Variants in TTC39A observed in about 807,000 individuals in gnomAD.
TTC39A encodes tetratricopeptide repeat domain 39A.
Under a neutral mutation model 82.3 loss-of-function variants are expected in TTC39A, and 46 were observed. That is an observed-to-expected ratio of 0.56 (90% CI 0.44 to 0.71). The LOEUF is 0.71. Among genes scored for constraint, TTC39A ranks in the 30% least tolerant of loss-of-function variants. The pLI is 0.00. For synonymous variants in TTC39A, 254 were observed against 275.2 expected (o/e 0.92, Z 0.76); for missense variants, 543 against 712.9 (o/e 0.76, Z 2.71).
chr1:51,295,932 A>AG lies in TTC39A; in HGVS notation c.1145+146dup, dbSNP rs1051052873. The AG allele has an allele frequency of 2.8e-3, 2,090 of 755,402 alleles. 13 individuals are homozygous for AG. The highest frequency in any genetic ancestry group is 2.4e-3 in the Non-Finnish European group (1,065 of 452,252). 46.8% of individuals were successfully genotyped at this position (755,402 alleles called of 1,614,324 possible). A position where few individuals can be genotyped will look rare whatever the true frequency, so the allele number is the denominator to read the frequency against. On this transcript the variant is annotated intron_variant, in intron 13 of 17. Coordinates refer to ENST00000680483, the MANE Select transcript of TTC39A (RefSeq NM_001297663.2). ...GTGGTGATGGGAGGGGAGGACACGC[A>AG]GGGGGGGCAGTCCGCGGGTGGGGGC...
At chr1:51,310,997 A>G (rs1020687457) in intron 5 of TTC39A, among the ~76,000 whole-genome samples, 1 of 152,236 alleles carries the variant, frequency 6.6e-6, no homozygotes, top group African/African-American at 2.4e-5. Context: ...CAGGAAATGC[A>G]GCAGTCGCAC....
At chr1:51,341,179 C>T (rs1253503571) in intron 1 of TTC39A, among the ~76,000 whole-genome samples, 2 of 136,208 alleles carry the variant, frequency 1.5e-5, no homozygotes, top group Non-Finnish European at 3.2e-5. Flanking sequence ...AATAAACCGC[C>T]CCCCCACCCC....
At chr1:51,342,773 T>C (rs762345395) in intron 1 of TTC39A, among the ~76,000 whole-genome samples, 2 of 152,172 alleles carry the variant, frequency 1.3e-5, no homozygotes, top group African/African-American at 2.4e-5. Flanking sequence ...AGGCTCACAA[T>C]GCACTTCCTC....
chr1:51,313,342 T>C (rs1490751693), intron 2 of TTC39A, among the ~76,000 whole-genome samples: 1 of 152,174 alleles, frequency 6.6e-6, no homozygotes, highest in Non-Finnish European at 1.5e-5. Flanking sequence ...CCAAGTCCTG[T>C]CTGTGAGATC....
chr1:51,337,747 C>T (rs1356162473), intron 1 of TTC39A, among the ~76,000 whole-genome samples: 1 of 152,014 alleles, frequency 6.6e-6, no homozygotes, highest in African/African-American at 2.4e-5. Flanking sequence ...TAAAATTGAA[C>T]CCCTGCCTCC....
Position 51,321,956 on chromosome 1 carries a change from G to C in TTC39A, c.42-131C>G. The C allele has an allele frequency of 7.6e-7, 1 of 1,322,806 alleles. No individual in the cohort carries two copies. The highest frequency in any genetic ancestry group is 1.5e-5 in the African/African-American group (1 of 68,504). 81.9% of individuals were successfully genotyped at this position (1,322,806 alleles called of 1,614,324 possible). On this transcript the variant is annotated intron_variant, in intron 1 of 17. Transcript: ENST00000680483. This position sits in a 1 kb window ranked among gnomAD's most constrained non-coding sequence, Gnocchi z 4.6. ...TGGGTGCCTGTCACGAGCTCCTCCA[G>C]GCTGCCACTCTGTACTGGGACGCAG...
At chr1:51,327,304 C>CT (rs1645748601) in intron 1 of TTC39A, among the ~76,000 whole-genome samples, 1 of 152,214 alleles carries the variant, frequency 6.6e-6, no homozygotes, top group Non-Finnish European at 1.5e-5. Context: ...CTGAGGGGAA[C>CT]TTTGGCTCAA....
chr1:51,336,076 A>G (rs1323878443), upstream of TTC39A, among the ~76,000 whole-genome samples: 3 of 151,450 alleles, frequency 2.0e-5, no homozygotes, highest in East Asian at 5.8e-4. Flanking sequence ...CCCTCTTCAG[A>G]GTCTAGAACC....
chr1:51,315,059 T>G (rs1194691115), intron 2 of TTC39A, among the ~76,000 whole-genome samples: 3 of 151,986 alleles, frequency 2.0e-5, no homozygotes, highest in African/African-American at 7.3e-5. Context: ...TCTCAAGTCC[T>G]TGTCTCTCTC....
At position 51,294,629 on chromosome 1, in the gene TTC39A, A is replaced by C; in HGVS notation, c.1146-118T>G. ...TGGGCCTCAGTTTCCCCATCTGCAC[A>C]ATGACAGTGTTAGACTCTAAAGAGC... On this transcript the variant is annotated intron_variant, in intron 13 of 17. Transcript: ENST00000680483. This position sits in a 1 kb window ranked among gnomAD's most constrained non-coding sequence, Gnocchi z 4.3. 2.1e-6 allele frequency: 3 copies of C among 1,453,346 alleles called. No individual in the cohort carries two copies. The highest frequency in any genetic ancestry group is 2.8e-6 in the Non-Finnish European group (3 of 1,071,808). The allele number at this position is 1,453,346 out of a possible 1,614,324, so 90.0% of individuals were successfully genotyped here. A position where few individuals can be genotyped will look rare whatever the true frequency, so the allele number is the denominator to read the frequency against.
intron 6 of TTC39A, among the ~76,000 whole-genome samples, chr1:51,308,799 G>A (rs1644970898): frequency 6.6e-6 from 1 of 152,212 alleles, no homozygotes; most frequent in Non-Finnish European, 1.5e-5. Context: ...GTATGTGTGT[G>A]TGTGTGCGTG....
intron 1 of TTC39A, among the ~76,000 whole-genome samples, chr1:51,337,575 C>T (rs368041710): frequency 1.3e-5 from 2 of 151,846 alleles, no homozygotes; most frequent in African/African-American, 4.8e-5. Context: ...TACAGGTGCC[C>T]GCCACCATGC....
intron 1 of TTC39A, chr1:51,344,978 C>T: frequency 2.0e-6 from 3 of 1,525,934 alleles, no homozygotes; most frequent in South Asian, 1.2e-5. Context: ...GAGTCCCCAC[C>T]CCTGCCCGGT....
chr1:51,323,383 G>A (rs1475901584), intron 1 of TTC39A, among the ~76,000 whole-genome samples: 1 of 152,074 alleles, frequency 6.6e-6, no homozygotes, highest in Non-Finnish European at 1.5e-5. Context: ...CAAAGTGCTG[G>A]GATTATAGGT....
intron 2 of TTC39A, among the ~76,000 whole-genome samples, chr1:51,313,428 C>T (rs1220603699): frequency 6.6e-6 from 1 of 152,144 alleles, no homozygotes; most frequent in East Asian, 1.9e-4. Flanking sequence ...CACCTGCTGC[C>T]TCTTCCCACT....
rs41287296 is a variant in TTC39A, at chr1:51,306,217, G to A, written c.489-141C>T. 8.2e-3 allele frequency: 5,323 copies of A among 652,606 alleles called. 33 individuals carry two copies. The highest frequency in any genetic ancestry group is 0.016 in the Middle Eastern group (39 of 2,436). The allele number at this position is 652,606 out of a possible 1,614,324, so 40.4% of individuals were successfully genotyped here. ...GGTAATCCTGAGAGCTGGTATTTGA[G>A]GAATTTCGAACCCCATCTCCCACCA... On this transcript the variant is annotated intron_variant, in intron 6 of 17. Coordinates refer to ENST00000680483, the MANE Select transcript of TTC39A (RefSeq NM_001297663.2).
Position 51,288,972 on chromosome 1 carries a change from AT to A in TTC39A, c.1494-18del. 6.4e-7 allele frequency: 1 copy of A among 1,572,958 alleles called. No individual in the cohort carries two copies. ...TTCTTTTCACTGCAGAACAGAGGAC[AT>A]GGCTCAGGTTCCTCCTCCTGAGCCT... On this transcript the variant is annotated intron_variant, in intron 16 of 17. Coordinates refer to ENST00000680483, the MANE Select transcript of TTC39A (RefSeq NM_001297663.2). The surrounding 1 kb of genome is among the most constrained non-coding windows in gnomAD (Gnocchi z 4.8).
At chr1:51,337,015 G>A (rs1480525543) in intron 1 of TTC39A, among the ~76,000 whole-genome samples, 2 of 152,080 alleles carry the variant, frequency 1.3e-5, no homozygotes, top group Non-Finnish European at 2.9e-5. Context: ...AAACTTAGCT[G>A]GGCATGGTGG....
At chr1:51,320,416 C>CTTTTTTTTTTTTT (rs57261779) in intron 2 of TTC39A, among the ~76,000 whole-genome samples, 7 of 79,440 alleles carry the variant, frequency 8.8e-5, no homozygotes, top group Non-Finnish European at 9.4e-5. Context: ...TTTTCTTTTT[C>CTTTTTTTTTTTTT]TTTTTTTTTT....
Sources: allele counts gnomAD v4.1 joint callset (sites outside exome capture counted in the v4.1 genomes callset), GRCh38; gene constraint gnomAD v4.1.1; non-coding constraint Gnocchi (gnomAD v3.1); transcripts MANE v1.5; gene names NCBI Gene and HGNC (gene_info 2026-07-23, HGNC 2026-07-21).